ISM1: variants seen among roughly 807,000 people sequenced by gnomAD.
ISM1 encodes isthmin-1.
In ISM1, 25 loss-of-function variants were observed where a neutral mutation model predicts 46.3. That is an observed-to-expected ratio of 0.54 (90% CI 0.39 to 0.75). The LOEUF (loss-of-function observed/expected upper bound fraction) is 0.75. Among genes scored for constraint, ISM1 ranks in the 30% least tolerant of loss-of-function variants. The pLI is 0.00. For synonymous variants in ISM1, 255 were observed against 256.7 expected, an observed-to-expected ratio of 0.99 and a Z score of 0.06; for missense variants, 536 against 625.4, an observed-to-expected ratio of 0.86 and a Z score of 1.52.
chr20:13,275,352 T>C (rs1304149335), intron 2 of ISM1, among the ~76,000 whole-genome samples: 3 of 152,320 alleles, frequency 2.0e-5, no homozygotes, highest in Non-Finnish European at 2.9e-5. Context: ...CTCCTCCTTT[T>C]TCTCTAAAAT....
At chr20:13,227,956 T>C (rs897353822) in intron 1 of ISM1, among the ~76,000 whole-genome samples, 1 of 148,854 alleles carries the variant, frequency 6.7e-6, no homozygotes, top group Non-Finnish European at 1.5e-5. Flanking sequence ...TAGCTGCTGC[T>C]GCCTTTTTTT....
chr20:13,312,836 G>A, the ISM1 span, among the ~76,000 whole-genome samples: 1 of 152,138 alleles, frequency 6.6e-6, no homozygotes, highest in Non-Finnish European at 1.5e-5. Context: ...GAGTAGATCC[G>A]TATTTAAACC....
the ISM1 span, among the ~76,000 whole-genome samples, chr20:13,313,177 T>C: frequency 1.3e-5 from 2 of 152,156 alleles, no homozygotes; most frequent in African/African-American, 4.8e-5. Flanking sequence ...TAATTGCAGA[T>C]TATTAGAACT....
chr20:13,228,126 C>T (rs778829995), intron 1 of ISM1, among the ~76,000 whole-genome samples: 1 of 151,948 alleles, frequency 6.6e-6, no homozygotes, highest in Non-Finnish European at 1.5e-5. Context: ...GTACCCACCA[C>T]CATGCCCGGC....
chr20:13,289,945 T>C (rs573533153), intron 4 of ISM1, among the ~76,000 whole-genome samples: 2 of 152,230 alleles, frequency 1.3e-5, no homozygotes, highest in South Asian at 4.1e-4. Context: ...TTTTCTACCT[T>C]AGACACTCAG....
chr20:13,287,430 C>A (rs1230545084), intron 3 of ISM1, among the ~76,000 whole-genome samples: 3 of 152,150 alleles, frequency 2.0e-5, no homozygotes, highest in Admixed American at 2.0e-4. Flanking sequence ...GGAATTATTA[C>A]AATTCAAGGT....
intron 1 of ISM1, among the ~76,000 whole-genome samples, chr20:13,225,589 C>T (rs577555988): frequency 6.6e-6 from 1 of 151,996 alleles, no homozygotes; most frequent in Non-Finnish European, 1.5e-5. Context: ...TTAATAGGTA[C>T]GATGTTACAA....
At chr20:13,313,681 T>C in the ISM1 span, among the ~76,000 whole-genome samples, 1 of 152,216 alleles carries the variant, frequency 6.6e-6, no homozygotes, top group Non-Finnish European at 1.5e-5. Context: ...TAAAGTCCTA[T>C]TTTAAACAGC....
At chr20:13,285,419 G>A (rs987942906) in intron 3 of ISM1, among the ~76,000 whole-genome samples, 65 of 152,244 alleles carry the variant, frequency 4.3e-4, no homozygotes, top group African/African-American at 1.5e-3. Context: ...GGCTTGGCTG[G>A]GGCTGGATGG....
intron 3 of ISM1, among the ~76,000 whole-genome samples, chr20:13,281,747 G>A (rs1313778115): frequency 6.6e-6 from 1 of 152,218 alleles, no homozygotes; most frequent in African/African-American, 2.4e-5. Flanking sequence ...CACTGAGTGA[G>A]AGAAGCACAG....
chr20:13,257,600 T>C (rs1268393866), intron 1 of ISM1, among the ~76,000 whole-genome samples: 1 of 152,098 alleles, frequency 6.6e-6, no homozygotes, highest in African/African-American at 2.4e-5. Flanking sequence ...GTTTTTATCA[T>C]CACTATATCT....
chr20:13,221,973 G>T (rs2039454984), intron 1 of ISM1, 59 bp downstream of exon 1: 3 of 1,286,340 alleles, frequency 2.3e-6, no homozygotes, highest in South Asian at 4.7e-5. Flanking sequence ...TGGGGCGGGG[G>T]TGCTGAGCTA....
the ISM1 span, among the ~76,000 whole-genome samples, chr20:13,324,553 T>C: frequency 5.8e-3 from 889 of 152,316 alleles, 13 homozygotes; most frequent in Non-Finnish European, 4.7e-3. Flanking sequence ...TGGAAGAAAC[T>C]AAGTTTCAGT....
chr20:13,224,870 C>G (rs13038728), intron 1 of ISM1, among the ~76,000 whole-genome samples: 90,406 of 136,890 alleles, frequency 0.66, 30,181 homozygotes, highest in East Asian at 1. Flanking sequence ...TTTTGAGACG[C>G]AGTCTTGCTC....
intron 1 of ISM1, among the ~76,000 whole-genome samples, chr20:13,256,672 C>T (rs1325607361): frequency 2.0e-5 from 3 of 152,178 alleles, no homozygotes; most frequent in Admixed American, 2.0e-4. Flanking sequence ...GTATTCTGAG[C>T]ACTCTCTTTA....
intron 1 of ISM1, among the ~76,000 whole-genome samples, chr20:13,238,355 AG>A (rs2039677014): frequency 6.6e-6 from 1 of 152,218 alleles, no homozygotes; most frequent in Non-Finnish European, 1.5e-5. Context: ...TTCAAACCAG[AG>A]GGCCACCTCA....
At chr20:13,232,300 T>C (rs958574639) in intron 1 of ISM1, among the ~76,000 whole-genome samples, 6 of 152,224 alleles carry the variant, frequency 3.9e-5, no homozygotes, top group Admixed American at 1.3e-4. Flanking sequence ...TTCCTTGTGC[T>C]CCTCTGTGAG....
intron 3 of ISM1, among the ~76,000 whole-genome samples, chr20:13,284,813 A>G (rs1465746841): frequency 6.6e-6 from 1 of 152,230 alleles, no homozygotes; most frequent in Non-Finnish European, 1.5e-5. Flanking sequence ...TGGGGGACCC[A>G]TATGAAAAAA....
At chr20:13,321,216 G>T in the ISM1 span, among the ~76,000 whole-genome samples, 4 of 94,856 alleles carry the variant, frequency 4.2e-5, no homozygotes, top group African/African-American at 1.8e-4. Context: ...ACAATAAAAA[G>T]AGATCGTCTT....
Sources: gnomAD v4.1 joint callset for allele counts (sites outside exome capture counted in the v4.1 genomes callset) on GRCh38, gnomAD v4.1.1 for gene constraint, MANE v1.5 for transcripts, NCBI Gene and HGNC (gene_info 2026-07-23, HGNC 2026-07-21) for gene names.